The following RNF220 variants were observed in gnomAD, a reference collection of about 807,000 sequenced individuals.
RNF220 encodes ring finger protein 220.
Under a neutral mutation model 67.1 loss-of-function variants are expected in RNF220, and 7 were observed. That is an observed-to-expected ratio of 0.10 (90% CI 0.06 to 0.20). The LOEUF is 0.20. RNF220 is among the 10% of genes least tolerant of loss of function. RNF220 has a pLI of 1.00. For missense variants in RNF220, 565 were observed against 740.3 expected (o/e 0.76, Z 2.75); for synonymous variants, 270 against 283.2 (o/e 0.95, Z 0.47).
chr1:44,451,985 C>T (rs1443306672), intron 2 of RNF220, among the ~76,000 whole-genome samples: 2 of 152,134 alleles, frequency 1.3e-5, no homozygotes, highest in African/African-American at 4.8e-5. Context: ...GAAGGGTATT[C>T]CTACCCCTTA....
chr1:44,470,288 G>C (rs1250725062), intron 2 of RNF220, among the ~76,000 whole-genome samples: 4 of 152,358 alleles, frequency 2.6e-5, no homozygotes, highest in East Asian at 3.9e-4. Context: ...CAGTGGAATA[G>C]ATGAGACAGA....
At chr1:44,591,971 C>T (rs1463448617) in intron 2 of RNF220, among the ~76,000 whole-genome samples, 1 of 152,158 alleles carries the variant, frequency 6.6e-6, no homozygotes, top group Non-Finnish European at 1.5e-5. Flanking sequence ...CTTAGGTGCT[C>T]AAGCCGTCCC....
chr1:44,614,441 C>A, intron 3 of RNF220, 144 bp downstream of exon 3: 1 of 910,520 alleles, frequency 1.1e-6, no homozygotes, highest in Non-Finnish European at 1.6e-6. Context: ...AACTCTGTTT[C>A]AATCCTCAGA....
At chr1:44,586,721 C>A (rs1468554777) in intron 2 of RNF220, among the ~76,000 whole-genome samples, 1 of 152,154 alleles carries the variant, frequency 6.6e-6, no homozygotes, top group South Asian at 2.1e-4. Context: ...GGAGAAAGGA[C>A]CGCTCTCGTG....
intron 2 of RNF220, among the ~76,000 whole-genome samples, chr1:44,427,181 A>G (rs1649876953): frequency 6.6e-6 from 1 of 152,206 alleles, no homozygotes; most frequent in South Asian, 2.1e-4. Context: ...GCCCATTGTC[A>G]CACAAGCAGG....
At chr1:44,499,834 A>G (rs1470058262) in intron 2 of RNF220, among the ~76,000 whole-genome samples, 2 of 145,618 alleles carry the variant, frequency 1.4e-5, no homozygotes, top group African/African-American at 5.7e-5. Context: ...GCACAGGATC[A>G]AATGATTATG....
intron 2 of RNF220, among the ~76,000 whole-genome samples, chr1:44,479,209 G>A (rs771707892): frequency 3.3e-5 from 5 of 151,280 alleles, no homozygotes; most frequent in East Asian, 1.9e-4. Context: ...TCCGCCTCCC[G>A]GGTTCACGCC....
In RNF220 at chr1:44,635,347, A is replaced by T. The variant is rs1573143768; in HGVS notation, c.950-198A>T. Reference sequence around the variant, plus strand: ...CTTACTCACTGGCTTAGTTAGCACCAGTCTCCTCCCCAGGTGCTCTTGGCA... The same window carrying T: ...CTTACTCACTGGCTTAGTTAGCACCTGTCTCCTCCCCAGGTGCTCTTGGCA... On this transcript the variant is annotated intron_variant, in intron 6 of 14. Coordinates refer to ENST00000361799, the MANE Select transcript of RNF220 (RefSeq NM_018150.4). 4.4e-6 allele frequency: 3 copies of T among 677,156 alleles called. No homozygotes were observed. The East Asian group carries it at 8.3e-5, about 19-fold the overall frequency. 41.9% of individuals were successfully genotyped at this position (677,156 alleles called of 1,614,324 possible). A position where few individuals can be genotyped will look rare whatever the true frequency, so the allele number is the denominator to read the frequency against.
chr1:44,543,804 T>C (rs1374576197), intron 2 of RNF220, among the ~76,000 whole-genome samples: 4 of 152,108 alleles, frequency 2.6e-5, no homozygotes, highest in Non-Finnish European at 5.9e-5. Context: ...GGGATCTGCC[T>C]TCTTGAACCC....
intron 2 of RNF220, among the ~76,000 whole-genome samples, chr1:44,448,358 G>T (rs1652320005): frequency 6.6e-6 from 1 of 152,164 alleles, no homozygotes. Flanking sequence ...TTAGATGCAT[G>T]TGCCTGCCTG....
chr1:44,513,388 C>CA (rs1659187914), intron 2 of RNF220, among the ~76,000 whole-genome samples: 1 of 152,192 alleles, frequency 6.6e-6, no homozygotes, highest in Non-Finnish European at 1.5e-5. Flanking sequence ...AACACTTAAA[C>CA]AATCTTTCTT....
chr1:44,638,332 G>A (rs1181543117), intron 8 of RNF220: 1 of 152,264 alleles, frequency 6.6e-6, no homozygotes, highest in Non-Finnish European at 1.5e-5. Flanking sequence ...TGCCTGCCAA[G>A]ACCGGTTAGA....
In RNF220 at chr1:44,571,763, C is replaced by T. The variant is rs115624761; in HGVS notation, c.626-42402C>T. Among the ~76,000 whole-genome samples, 480 of 152,310 alleles carry T rather than the reference C, an allele frequency of 3.2e-3. 1 individual carries two copies. The highest frequency in any genetic ancestry group is 5.3e-3 in the Non-Finnish European group (360 of 68,024). On this transcript the variant is annotated intron_variant, in intron 2 of 14. Coordinates refer to ENST00000361799, the MANE Select transcript of RNF220 (RefSeq NM_018150.4). ...ACCTACAGGACATCTCCCCATGTGTCGTATGTCTAACACACATATGTCCAA... is the reference window on the plus strand; with the variant it reads ...ACCTACAGGACATCTCCCCATGTGTTGTATGTCTAACACACATATGTCCAA...
chr1:44,649,636 C>A lies in RNF220; in HGVS notation c.1446-25C>A, dbSNP rs1364462758. On this transcript the variant is annotated intron_variant, in intron 12 of 14. Coordinates refer to ENST00000361799, the MANE Select transcript of RNF220 (RefSeq NM_018150.4). This position sits in a 1 kb window ranked among gnomAD's most constrained non-coding sequence, Gnocchi z 5.9. ...ACAGATGAGAGATGCCAGCCTGCTACCCAACCATGCCTTCCTTTTTACAGA... is the reference window on the plus strand; with the variant it reads ...ACAGATGAGAGATGCCAGCCTGCTAACCAACCATGCCTTCCTTTTTACAGA... 6.2e-7 allele frequency: 1 copy of A among 1,608,826 alleles called. No individual in the cohort carries two copies. Among genetic ancestry groups the A allele is most frequent in the Admixed American group, 1.7e-5 (1 of 59,976 alleles).
At chr1:44,490,649 G>C (rs1461132324) in intron 2 of RNF220, among the ~76,000 whole-genome samples, 1 of 151,594 alleles carries the variant, frequency 6.6e-6, no homozygotes, top group African/African-American at 2.4e-5. Flanking sequence ...GAAGAAAGAT[G>C]TTATATTAAT....
Position 44,650,455 on chromosome 1 carries a change from G to A in RNF220, c.1630-249G>A, listed in dbSNP as rs889320608. 1 of 563,350 alleles carries A rather than the reference G, an allele frequency of 1.8e-6. No homozygotes were observed. Among genetic ancestry groups the A allele is most frequent in the African/African-American group, 1.9e-5 (1 of 53,090 alleles). 34.9% of individuals were successfully genotyped at this position (563,350 alleles called of 1,614,324 possible). A position where few individuals can be genotyped will look rare whatever the true frequency, so the allele number is the denominator to read the frequency against. ...GTTAGGGCTGCGGCTGCCACAGCTG[G>A]ACCCAGCCTTGTTCTCATTACTGGG... is the stretch of plus-strand genomic sequence containing the variant. On this transcript the variant is annotated intron_variant, in intron 14 of 14. Transcript: ENST00000361799. This position sits in a 1 kb window ranked among gnomAD's most constrained non-coding sequence, Gnocchi z 4.3.
At chr1:44,453,023 T>G (rs1652843076) in intron 2 of RNF220, among the ~76,000 whole-genome samples, 1 of 152,216 alleles carries the variant, frequency 6.6e-6, no homozygotes, top group South Asian at 2.1e-4. Flanking sequence ...ATTTACAATT[T>G]CTTCATATAA....
In RNF220 at chr1:44,565,119, G is replaced by A. The variant is rs1009032700; in HGVS notation, c.626-49046G>A. Among the ~76,000 whole-genome samples, 5 of 152,210 alleles carry A rather than the reference G, an allele frequency of 3.3e-5. No individual in the cohort carries two copies. Among genetic ancestry groups the A allele is most frequent in the South Asian group, 2.1e-4 (1 of 4,832 alleles). On this transcript the variant is annotated intron_variant, in intron 2 of 14. Transcript: ENST00000361799. This position sits in a 1 kb window ranked among gnomAD's most constrained non-coding sequence, Gnocchi z 4.2. ...TTAGGACATGCTTGGTCAGCACTCC[G>A]TGAATAAATGAATGAGTGAGTGAAC...
chr1:44,632,483 CTG>C, intron 6 of RNF220, 98 bp downstream of exon 6: 1 of 1,216,230 alleles, frequency 8.2e-7, no homozygotes, highest in Non-Finnish European at 1.2e-6. Flanking sequence ...CTCTTCGACT[CTG>C]GGGCCCGTTG....
Sources: allele counts gnomAD v4.1 joint callset (sites outside exome capture counted in the v4.1 genomes callset), GRCh38; gene constraint gnomAD v4.1.1; non-coding constraint Gnocchi (gnomAD v3.1); transcripts MANE v1.5; gene names NCBI Gene and HGNC (gene_info 2026-07-23, HGNC 2026-07-21).